Variants in AGBL1 observed in about 807,000 individuals in gnomAD.
The protein encoded by AGBL1 is cytosolic carboxypeptidase 4.
Under a neutral mutation model 118.9 loss-of-function variants are expected in AGBL1, and 130 were observed. The ratio of observed to expected loss-of-function variants is 1.09; its 90% confidence interval spans 0.95 to 1.26. The LOEUF (loss-of-function observed/expected upper bound fraction) is 1.26. AGBL1 is among the 50% of genes most tolerant of loss of function. The pLI is 0.00. For synonymous variants in AGBL1, 555 were observed against 478.9 expected (o/e 1.16, Z -2.08); for missense variants, 1,584 against 1,298.1 (o/e 1.22, Z -3.38).
At chr15:86,360,319 C>CTTTTTTTT (rs570573457) in intron 17 of AGBL1, among the ~76,000 whole-genome samples, 5 of 136,026 alleles carry the variant, frequency 3.7e-5, no homozygotes, top group Admixed American at 7.3e-5. Flanking sequence ...GGGTTTTTTC[C>CTTTTTTTT]TTTTTTTTTT....
At chr15:86,784,432 C>T (rs888333864) in intron 22 of AGBL1, among the ~76,000 whole-genome samples, 4 of 152,150 alleles carry the variant, frequency 2.6e-5, no homozygotes, top group African/African-American at 4.8e-5. Context: ...CACTGGTTTT[C>T]GGATTTTACT....
intron 21 of AGBL1, among the ~76,000 whole-genome samples, chr15:86,616,682 C>G (rs1280184886): frequency 6.6e-6 from 1 of 152,132 alleles, no homozygotes; most frequent in Non-Finnish European, 1.5e-5. Flanking sequence ...TTATACTTGG[C>G]TTCACTCAGA....
At chr15:86,794,804 G>A (rs1038987094) in intron 22 of AGBL1, among the ~76,000 whole-genome samples, 2 of 152,168 alleles carry the variant, frequency 1.3e-5, no homozygotes, top group Non-Finnish European at 2.9e-5. Flanking sequence ...CTGGATGAAA[G>A]TAACATTAGT....
chr15:86,569,738 T>C (rs1359523441), intron 21 of AGBL1, among the ~76,000 whole-genome samples: 1 of 152,192 alleles, frequency 6.6e-6, no homozygotes, highest in Admixed American at 6.5e-5. Flanking sequence ...GAGATGCTAA[T>C]AAGGTTGCCA....
rs200845665 is a variant in AGBL1 at position 86,264,762 on chromosome 15, G to T, written c.1591G>T (p.Ala531Ser). 143 of 1,614,008 alleles carry T rather than the reference G, an allele frequency of 8.9e-5. No individual in the cohort carries two copies. The African/African-American group carries it at 1.7e-3, about 19-fold the overall frequency. Residue 531 changes from alanine to serine, a missense_variant, in exon 11 of 23, where the codon GCA becomes TCA. By Grantham distance (99) the Ala-to-Ser change is moderately conservative. Transcript: ENST00000614907. ...CTCTGTGGTGGACTTCAAGATGATG[G>T]CATTTCCTGATGTCTGGGGACACTG... ...TSSVVDFKMMAFPDVWGHCPP... is the reference protein window; with the variant it reads ...TSSVVDFKMMSFPDVWGHCPP...
At chr15:86,088,077 T>G (rs1895783943) in intron 1 of AGBL1, 1 of 152,402 alleles carries the variant, frequency 6.6e-6, no homozygotes, top group Admixed American at 6.5e-5. Context: ...ACCCTGCCAC[T>G]GCAGCTGTAG....
chr15:86,968,503 A>G (rs2081076201), intron 23 of AGBL1, among the ~76,000 whole-genome samples: 1 of 151,926 alleles, frequency 6.6e-6, no homozygotes, highest in South Asian at 2.1e-4. Context: ...AAATAACACA[A>G]TGCTCTTTCA....
chr15:86,537,793 C>A (rs965033220), intron 19 of AGBL1, among the ~76,000 whole-genome samples: 1 of 152,150 alleles, frequency 6.6e-6, no homozygotes, highest in African/African-American at 2.4e-5. Flanking sequence ...AACCTCATCT[C>A]TATATTTGGA....
chr15:86,511,911 C>A (rs556682216), intron 18 of AGBL1, among the ~76,000 whole-genome samples: 2 of 151,982 alleles, frequency 1.3e-5, no homozygotes, highest in South Asian at 2.1e-4. Flanking sequence ...GACATGACAA[C>A]CAAGATATAA....
chr15:86,582,782 G>A (rs1366946972), intron 21 of AGBL1, among the ~76,000 whole-genome samples: 1 of 149,196 alleles, frequency 6.7e-6, no homozygotes, highest in Non-Finnish European at 1.5e-5. Flanking sequence ...AACACCACAT[G>A]TTCTCACTCA....
Position 86,915,745 on chromosome 15 carries a change from T to G in AGBL1, c.*8451T>G, listed in dbSNP as rs2080413941. On this transcript the variant is annotated 3_prime_UTR_variant, in exon 23 of 23. Transcript: ENST00000614907. ...GCCTAGCATCGTGCCCAAGATGTGG[T>G]GGGACTTCCATAAATATGTGTTGAA... 6.6e-6 allele frequency: 1 copy of G among 152,154 alleles called. No homozygotes were observed. The highest frequency in any genetic ancestry group is 1.9e-4 in the East Asian group (1 of 5,184). 9.4% of individuals were successfully genotyped at this position (152,154 alleles called of 1,614,324 possible). A position where few individuals can be genotyped will look rare whatever the true frequency, so the allele number is the denominator to read the frequency against.
At chr15:86,240,577 T>C (rs1452502721) in intron 6 of AGBL1, among the ~76,000 whole-genome samples, 2 of 152,174 alleles carry the variant, frequency 1.3e-5, no homozygotes, top group African/African-American at 2.4e-5. Context: ...ATATAATTGC[T>C]CAAGGTTGGG....
intron 24 of AGBL1, among the ~76,000 whole-genome samples, chr15:87,010,651 G>T (rs2081549757): frequency 6.6e-6 from 1 of 152,176 alleles, no homozygotes; most frequent in African/African-American, 2.4e-5. Context: ...CAGGCCTTCA[G>T]CCTCAGACTG....
At chr15:86,250,633 T>C (rs1257136852) in intron 7 of AGBL1, among the ~76,000 whole-genome samples, 1 of 149,706 alleles carries the variant, frequency 6.7e-6, no homozygotes, top group African/African-American at 2.4e-5. Context: ...TGTTTGACAT[T>C]CTCCTGGTTT....
At chr15:86,692,723 C>G (rs539769853) in intron 22 of AGBL1, among the ~76,000 whole-genome samples, 1 of 152,228 alleles carries the variant, frequency 6.6e-6, no homozygotes, top group East Asian at 1.9e-4. Context: ...GCAGTATACA[C>G]GGAATCCAAT....
At chr15:86,098,807 T>C (rs1351393719) in intron 1 of AGBL1, among the ~76,000 whole-genome samples, 1 of 152,090 alleles carries the variant, frequency 6.6e-6, no homozygotes, top group East Asian at 1.9e-4. Flanking sequence ...CTCTTTTTTT[T>C]GGTTCTATAA....
At chr15:86,395,484 T>C (rs1567234617) in intron 17 of AGBL1, among the ~76,000 whole-genome samples, 1 of 152,124 alleles carries the variant, frequency 6.6e-6, no homozygotes, top group Non-Finnish European at 1.5e-5. Flanking sequence ...CTTGTAATTA[T>C]TTTCTTTCAT....
At chr15:86,761,674 G>A (rs544557319) in intron 22 of AGBL1, among the ~76,000 whole-genome samples, 46 of 152,114 alleles carry the variant, frequency 3.0e-4, no homozygotes, top group African/African-American at 1.1e-3. Context: ...TTTTAATGGG[G>A]TTGTTTCGTG....
rs1311325970 is a variant in AGBL1, at chr15:86,410,839, T to TATATATATATATATAA, written c.2555+13296_2555+13297insTATATATATATAAATA. The stretch of plus-strand genomic sequence containing the variant: ...ATATATATATATATATATATATATA[T>TATATATATATATATAA]ATAATATACTATTTTATATATAAAA... On this transcript the variant is annotated intron_variant, in intron 18 of 22. Coordinates refer to ENST00000614907, the MANE Select transcript of AGBL1 (RefSeq NM_001386094.1). Among the ~76,000 whole-genome samples the TATATATATATATATAA allele has an allele frequency of 1.4e-3, 98 of 68,118 alleles. 2 individuals carry two copies. The highest frequency in any genetic ancestry group is 7.6e-3 in the East Asian group (9 of 1,188). 44.7% of individuals were successfully genotyped at this position (68,118 alleles called of 152,430 possible). A position where few individuals can be genotyped will look rare whatever the true frequency, so the allele number is the denominator to read the frequency against.
Sources: allele counts gnomAD v4.1 joint callset (sites outside exome capture counted in the v4.1 genomes callset), GRCh38; gene constraint gnomAD v4.1.1; transcripts MANE v1.5; gene names NCBI Gene and HGNC (gene_info 2026-07-23, HGNC 2026-07-21).